Variants in SLC67A1 observed in about 807,000 individuals in gnomAD.
The protein encoded by SLC67A1 is solute carrier family 67 member 1.
chr11:2,922,468 C>T, the SLC67A1 span: 2 of 1,612,408 alleles, frequency 1.2e-6, no homozygotes, highest in East Asian at 2.2e-5. Flanking sequence ...ACTTCTGCCT[C>T]CTGGTGCCCG....
At chr11:2,910,565 C>T in the SLC67A1 span, among the ~76,000 whole-genome samples, 14,730 of 151,998 alleles carry the variant, frequency 0.097, 910 homozygotes, top group Non-Finnish European at 0.14. Context: ...GGCACCAGGC[C>T]GGGGTGCCCT....
chr11:2,916,051 G>A, the SLC67A1 span: 1 of 152,288 alleles, frequency 6.6e-6, no homozygotes, highest in Non-Finnish European at 1.5e-5. Flanking sequence ...CAAGGCTCTG[G>A]GATCCCAGCC....
the SLC67A1 span, chr11:2,909,372 C>T: frequency 4.9e-5 from 74 of 1,513,120 alleles, no homozygotes; most frequent in Non-Finnish European, 6.3e-5. Flanking sequence ...GCCGGGGGGA[C>T]TGGAGTCCAG....
the SLC67A1 span, chr11:2,922,498 C>T: frequency 1.9e-6 from 3 of 1,612,858 alleles, no homozygotes; most frequent in African/African-American, 2.7e-5. Flanking sequence ...TCAGCCTCTG[C>T]ACCCTCAACG....
At chr11:2,917,310 G>A in the SLC67A1 span, among the ~76,000 whole-genome samples, 1 of 152,246 alleles carries the variant, frequency 6.6e-6, no homozygotes, top group East Asian at 1.9e-4. Context: ...GGGACTAAGA[G>A]CCCAGCCTGG....
the SLC67A1 span, among the ~76,000 whole-genome samples, chr11:2,900,557 G>A: frequency 7.9e-5 from 12 of 152,000 alleles, no homozygotes; most frequent in South Asian, 2.1e-3. Context: ...AGCGGGGGCT[G>A]TGGCGGGCGC....
chr11:2,916,633 C>T, the SLC67A1 span: 38 of 1,611,808 alleles, frequency 2.4e-5, no homozygotes, highest in Admixed American at 6.7e-5. Context: ...ATTCAGTGCC[C>T]GGCCATCCTG....
chr11:2,914,927 G>A, the SLC67A1 span: 2 of 985,434 alleles, frequency 2.0e-6, no homozygotes, highest in African/African-American at 3.5e-5. Context: ...ACAAGCTGTG[G>A]CGCCCGAGCC....
At chr11:2,910,428 GC>G in the SLC67A1 span, among the ~76,000 whole-genome samples, 1 of 152,190 alleles carries the variant, frequency 6.6e-6, no homozygotes, top group African/African-American at 2.4e-5. Flanking sequence ...GATCACTAGG[GC>G]CTGTCTGAGG....
At chr11:2,917,893 C>A in the SLC67A1 span, 3 of 936,626 alleles carry the variant, frequency 3.2e-6, no homozygotes, top group Non-Finnish European at 4.8e-6. Context: ...CTGGCGGGCG[C>A]AACAGGGCCC....
chr11:2,916,572 G>C, the SLC67A1 span: 1 of 1,411,060 alleles, frequency 7.1e-7, no homozygotes, highest in African/African-American at 1.4e-5. Flanking sequence ...TGGCTGGGGC[G>C]CCTGGGCCCT....
the SLC67A1 span, chr11:2,916,700 C>T: frequency 6.2e-7 from 1 of 1,613,118 alleles, no homozygotes; most frequent in African/African-American, 1.3e-5. Flanking sequence ...TCCCCGCCAG[C>T]ACCAAAGGGG....
the SLC67A1 span, chr11:2,916,729 C>T: frequency 6.2e-7 from 1 of 1,612,908 alleles, no homozygotes; most frequent in East Asian, 2.2e-5. Flanking sequence ...GACGCCCAGG[C>T]TCCACTGCCA....
the SLC67A1 span, chr11:2,903,160 TA>T: frequency 7.1e-7 from 1 of 1,401,092 alleles, no homozygotes; most frequent in African/African-American, 1.4e-5. Context: ...AAGGTCCAGG[TA>T]GCAGGAGAGC....
the SLC67A1 span, among the ~76,000 whole-genome samples, chr11:2,913,054 C>T: frequency 5.6e-3 from 858 of 152,150 alleles, 8 homozygotes; most frequent in Admixed American, 7.2e-3. Flanking sequence ...AAGCGCTGAG[C>T]GGAGGCTGAG....
chr11:2,901,578 G>A, the SLC67A1 span, among the ~76,000 whole-genome samples: 165 of 152,348 alleles, frequency 1.1e-3, 4 homozygotes, highest in South Asian at 0.03. Context: ...CCAAGTGTGC[G>A]CAGCGTGGGG....
At chr11:2,909,347 A>AC in the SLC67A1 span, 5 of 1,481,446 alleles carry the variant, frequency 3.4e-6, no homozygotes, top group South Asian at 6.2e-5. Flanking sequence ...GCTCATGCAC[A>AC]CGCTGCCAGG....
the SLC67A1 span, chr11:2,902,360 G>C: frequency 6.5e-6 from 1 of 154,620 alleles, no homozygotes; most frequent in African/African-American, 2.4e-5. Context: ...CCCCTGCAAA[G>C]GCAGGTACTC....
the SLC67A1 span, chr11:2,919,825 GC>G: frequency 5.8e-6 from 1 of 171,968 alleles, no homozygotes; most frequent in Non-Finnish European, 1.2e-5. Flanking sequence ...CAAGACGCCA[GC>G]CCTCAGAGGC....
Sources: allele counts gnomAD v4.1 joint callset (sites outside exome capture counted in the v4.1 genomes callset), GRCh38; gene constraint gnomAD v4.1.1; transcripts MANE v1.5; gene names NCBI Gene and HGNC (gene_info 2026-07-23, HGNC 2026-07-21).